The following RAB11B variants were observed in gnomAD, a reference collection of about 807,000 sequenced individuals.
The protein encoded by RAB11B is RAB11B, member RAS oncogene family.
RAB11B carries 7 observed loss-of-function variants against 23.7 expected under a neutral mutation model. The observed-to-expected ratio is 0.29, with a 90% CI of 0.17 to 0.55. RAB11B has a LOEUF of 0.55. Ranked by LOEUF, RAB11B falls within the 20% of genes least tolerant of loss-of-function variation. The pLI is 0.93. For synonymous variants in RAB11B, 138 were observed against 132.0 expected, an observed-to-expected ratio of 1.05 and a Z score of -0.31; for missense variants, 189 against 320.0, an observed-to-expected ratio of 0.59 and a Z score of 3.12.
intron 1 of RAB11B, among the ~76,000 whole-genome samples, chr19:8,391,116 C>T (rs768112605): frequency 6.6e-6 from 1 of 152,184 alleles, no homozygotes; most frequent in South Asian, 2.1e-4. Context: ...CTCAACAGTG[C>T]TAAGCCAGTA....
At chr19:8,391,246 G>A (rs950944855) in intron 1 of RAB11B, among the ~76,000 whole-genome samples, 2 of 152,228 alleles carry the variant, frequency 1.3e-5, no homozygotes, top group African/African-American at 4.8e-5. Flanking sequence ...GAGTGACAAA[G>A]ACACAGTTTA....
chr19:8,400,766 A>C (rs1454759961), intron 2 of RAB11B, among the ~76,000 whole-genome samples: 3 of 151,830 alleles, frequency 2.0e-5, no homozygotes, highest in Non-Finnish European at 4.4e-5. Context: ...TTGTATTTTT[A>C]GTAGAGATGG....
intron 2 of RAB11B, chr19:8,400,281 A>AGT: frequency 1.6e-6 from 1 of 609,200 alleles, no homozygotes; most frequent in Admixed American, 2.9e-5. Flanking sequence ...TACCAAGTGC[A>AGT]GTGAGGACCT....
rs1299045693 is a variant in RAB11B at position 8,403,451 on chromosome 19, C to T, written c.550C>T (p.Arg184Cys). 3.7e-5 allele frequency: 59 copies of T among 1,613,726 alleles called. No homozygotes were observed. The highest frequency in any genetic ancestry group is 4.6e-5 in the Non-Finnish European group (54 of 1,179,772). Residue 184 changes from arginine (R) to cysteine (C), a missense_variant, in exon 5 of 5, where the codon CGC becomes TGC. By Grantham distance (180) the Arg-to-Cys change is radical. This residue lies in a region of RAB11B where 122 missense variants were observed against 170.8 expected (regional missense o/e 0.71). Transcript: ENST00000328024. ...RIVSQKQIAD[R>C]AAHDESPGNN... is the part of the protein sequence containing the mutation. ...CGTGTCACAGAAACAGATCGCAGAC[C>T]GCGCTGCCCACGACGAGTCCCCGGG...
Position 8,402,089 on chromosome 19 carries a change from C to G in RAB11B, c.240C>G (p.Tyr80Ter). The change falls in exon 3 of 5, where the codon TAC becomes TAG. Residue 80 changes from tyrosine (Y) to a stop codon, truncating the protein, a stop_gained. Coordinates refer to ENST00000328024, the MANE Select transcript of RAB11B (RefSeq NM_004218.4). LOFTEE classifies it high-confidence loss of function. ...QERYRAITSA[Y>*]YRGAVGALLV... is the part of the protein sequence containing the mutation. ...TCATGGGCCCCTGACCCTGCAGGTA[C>G]TACCGTGGTGCAGTGGGCGCCCTGC... The G allele has an allele frequency of 6.3e-7, 1 of 1,593,628 alleles. No individual in the cohort carries two copies. The highest frequency in any genetic ancestry group is 8.5e-7 in the Non-Finnish European group (1 of 1,170,048).
intron 4 of RAB11B, 50 bp downstream of exon 4, chr19:8,402,615 G>C: frequency 1.5e-6 from 2 of 1,376,698 alleles, no homozygotes; most frequent in Non-Finnish European, 2.1e-6. Context: ...AGGCAGGGTG[G>C]AACACGGCCT....
At chr19:8,394,831 G>A (rs1444190036) in intron 1 of RAB11B, among the ~76,000 whole-genome samples, 1 of 152,242 alleles carries the variant, frequency 6.6e-6, no homozygotes, top group African/African-American at 2.4e-5. Flanking sequence ...TCGGGAGGCT[G>A]AGGCAGGAGG....
intron 1 of RAB11B, among the ~76,000 whole-genome samples, chr19:8,393,114 C>T (rs561778244): frequency 6.6e-6 from 1 of 152,110 alleles, no homozygotes; most frequent in African/African-American, 2.4e-5. Flanking sequence ...AATGTTCTTT[C>T]CTTCCCCCAG....
At chr19:8,401,269 A>G (rs1285820906) in intron 2 of RAB11B, among the ~76,000 whole-genome samples, 1 of 149,536 alleles carries the variant, frequency 6.7e-6, no homozygotes, top group African/African-American at 2.5e-5. Context: ...TTTAGTAGAG[A>G]TGGGGTTTCA....
rs1971401419 is a variant in RAB11B at position 8,396,865 on chromosome 19, TGC to T, written c.41-2997_41-2996del. ...CTCACGGGCGCTCTCTGGTGGCTGC[TGC>T]AGGAGGACAGCGTTTTGGTTGGTGA... On this transcript the variant is annotated intron_variant, in intron 1 of 4. Coordinates refer to ENST00000328024, the MANE Select transcript of RAB11B (RefSeq NM_004218.4). The surrounding 1 kb of genome is among the most constrained non-coding windows in gnomAD (Gnocchi z 5.0). 6.6e-6 allele frequency among the ~76,000 whole-genome samples: 1 copy of T among 152,150 alleles called. No individual in the cohort carries two copies. The highest frequency in any genetic ancestry group is 2.4e-5 in the African/African-American group (1 of 41,434).
intron 1 of RAB11B, 79 bp downstream of exon 1, chr19:8,390,535 C>A (rs955952045): frequency 1.0e-4 from 141 of 1,352,920 alleles, no homozygotes; most frequent in Middle Eastern, 6.2e-4. Context: ...CGCTCCAGGC[C>A]GCTGGGCCCA....
At chr19:8,403,366 A>C (rs768522745) in intron 4 of RAB11B, 47 bp from the exon 5 acceptor site, 1 of 1,577,142 alleles carries the variant, frequency 6.3e-7, no homozygotes, top group African/African-American at 1.3e-5. Flanking sequence ...CTCGGCAGGC[A>C]GGGCACGTGC....
At chr19:8,394,136 C>T (rs1432685168) in intron 1 of RAB11B, among the ~76,000 whole-genome samples, 2 of 152,218 alleles carry the variant, frequency 1.3e-5, no homozygotes, top group Non-Finnish European at 2.9e-5. Context: ...CTGCATCGGG[C>T]ACCCAGTGCC....
intron 1 of RAB11B, among the ~76,000 whole-genome samples, chr19:8,394,922 T>C (rs1163067445): frequency 1.3e-5 from 2 of 152,030 alleles, no homozygotes; most frequent in Non-Finnish European, 2.9e-5. Context: ...GGAGATTCCA[T>C]CTCAATACAA....
Position 8,402,502 on chromosome 19 carries a change from TTCA to T in RAB11B, c.451_453del (p.Ile151del). ...TGTTCCAGAAAAGAACAACTTGTCC[TTCA>T]TCGAGACCTCAGCCTTGGATTCCAC... is the stretch of plus-strand genomic sequence containing the variant. On this transcript the variant is annotated inframe_deletion, in exon 4 of 5. Transcript: ENST00000328024. The T allele has an allele frequency of 1.2e-6, 2 of 1,613,920 alleles. No individual in the cohort carries two copies. Among genetic ancestry groups the T allele is most frequent in the Non-Finnish European group, 1.7e-6 (2 of 1,179,776 alleles).
Position 8,402,284 on chromosome 19 carries a change from G to A in RAB11B, c.430+5G>A. The A allele has an allele frequency of 1.3e-6, 2 of 1,551,838 alleles. No individual in the cohort carries two copies. Among genetic ancestry groups the A allele is most frequent in the Non-Finnish European group, 8.7e-7 (1 of 1,148,012 alleles). Reference sequence around the variant, plus strand: ...ACGAGGCCCGCGCCTTCGCAGGTGAGCAGACGGAGACGCAGGCATCAGAGA... The same window carrying A: ...ACGAGGCCCGCGCCTTCGCAGGTGAACAGACGGAGACGCAGGCATCAGAGA... On this transcript the variant is annotated splice_donor_5th_base_variant and intron_variant, in intron 3 of 4. Coordinates refer to ENST00000328024, the MANE Select transcript of RAB11B (RefSeq NM_004218.4).
intron 1 of RAB11B, among the ~76,000 whole-genome samples, chr19:8,393,525 C>T (rs371399013): frequency 3.3e-5 from 5 of 152,226 alleles, no homozygotes; most frequent in South Asian, 4.1e-4. Flanking sequence ...AGGCAGCTCC[C>T]AGCCCTCAAG....
chr19:8,398,286 G>C (rs2913972), intron 1 of RAB11B, among the ~76,000 whole-genome samples: 107,587 of 152,178 alleles, frequency 0.71, 38,416 homozygotes, highest in Admixed American at 0.72. Flanking sequence ...CCCCGTCCCT[G>C]GGTGCTGTTG....
chr19:8,404,320 T>A lies in RAB11B; in HGVS notation c.*762T>A, dbSNP rs966789106. The A allele has an allele frequency of 1.3e-5, 2 of 152,238 alleles. No individual in the cohort carries two copies. Among genetic ancestry groups the A allele is most frequent in the Admixed American group, 6.6e-5 (1 of 15,260 alleles). 9.4% of individuals were successfully genotyped at this position (152,238 alleles called of 1,614,324 possible). A position where few individuals can be genotyped will look rare whatever the true frequency, so the allele number is the denominator to read the frequency against. Reference sequence around the variant, plus strand: ...AGATTCTTTATACACTTTGTAAGATTTACGCCAAACCCCAGCTCTCGATCT... The same window carrying A: ...AGATTCTTTATACACTTTGTAAGATATACGCCAAACCCCAGCTCTCGATCT... On this transcript the variant is annotated 3_prime_UTR_variant, in exon 5 of 5. Coordinates refer to ENST00000328024, the MANE Select transcript of RAB11B (RefSeq NM_004218.4).
Sources: allele counts gnomAD v4.1 joint callset (sites outside exome capture counted in the v4.1 genomes callset), GRCh38; gene constraint gnomAD v4.1.1; regional missense constraint gnomAD v4.1.1; non-coding constraint Gnocchi (gnomAD v3.1); transcripts MANE v1.5; gene names NCBI Gene and HGNC (gene_info 2026-07-23, HGNC 2026-07-21).